The following SNTG1 variants were observed in gnomAD, a reference collection of about 807,000 sequenced individuals.
SNTG1 encodes the protein syntrophin gamma 1, also known as gamma-1-syntrophin.
SNTG1 carries 39 observed loss-of-function variants against 74.7 expected under a neutral mutation model. The observed-to-expected ratio is 0.52, with a 90% confidence interval of 0.40 to 0.68. SNTG1 has a LOEUF of 0.68. Among genes scored for constraint, SNTG1 ranks in the 30% least tolerant of loss-of-function variants. The probability of loss-of-function intolerance (pLI) is 0.00; values close to 1 mark genes in which losing one functional copy is unlikely to be tolerated. For synonymous variants in SNTG1, 254 were observed against 217.1 expected, an observed-to-expected ratio of 1.17 and a Z score of -1.49; for missense variants, 685 against 609.5, an observed-to-expected ratio of 1.12 and a Z score of -1.30.
intron 3 of SNTG1, among the ~76,000 whole-genome samples, chr8:50,396,135 T>G (rs2092726048): frequency 6.6e-6 from 1 of 152,240 alleles, no homozygotes; most frequent in East Asian, 1.9e-4. Flanking sequence ...TTGGTAATAC[T>G]GTTATTACCA....
At chr8:50,221,926 C>T (rs921444404) in intron 2 of SNTG1, among the ~76,000 whole-genome samples, 1 of 152,054 alleles carries the variant, frequency 6.6e-6, no homozygotes, top group African/African-American at 2.4e-5. Flanking sequence ...ATCAGCCTTC[C>T]CAGAAATTCA....
At chr8:50,711,481 A>G (rs1394777067) in intron 17 of SNTG1, among the ~76,000 whole-genome samples, 1 of 152,190 alleles carries the variant, frequency 6.6e-6, no homozygotes, top group African/African-American at 2.4e-5. Flanking sequence ...ATTCTGGGTC[A>G]TTATTTGAGC....
At chr8:50,760,655 G>A (rs1421200232) in intron 18 of SNTG1, among the ~76,000 whole-genome samples, 1 of 151,602 alleles carries the variant, frequency 6.6e-6, no homozygotes, top group African/African-American at 2.4e-5. Context: ...AAAGAGAGAA[G>A]AATCAAATAG....
rs183617586 is a variant in SNTG1 at position 50,546,973 on chromosome 8, G to A, written c.681-6077G>A. On this transcript the variant is annotated intron_variant, in intron 11 of 18. Coordinates refer to ENST00000642720, the MANE Select transcript of SNTG1 (RefSeq NM_018967.5). ...ATTTTTGTGTTTTTTAGTAGAGATG[G>A]GGTTTTGCCATGTTGGCCAGGCTGG... Among the ~76,000 whole-genome samples the A allele has an allele frequency of 3.7e-3, 566 of 152,170 alleles. 6 individuals are homozygous for A. The highest frequency in any genetic ancestry group is 0.012 in the African/African-American group (510 of 41,536).
At chr8:50,619,395 A>G (rs2094905839) in intron 13 of SNTG1, among the ~76,000 whole-genome samples, 1 of 152,078 alleles carries the variant, frequency 6.6e-6, no homozygotes, top group African/African-American at 2.4e-5. Context: ...ATTTTTAAAT[A>G]TTTTCCCAAA....
At chr8:50,658,164 A>G (rs949547337) in intron 14 of SNTG1, among the ~76,000 whole-genome samples, 1 of 152,142 alleles carries the variant, frequency 6.6e-6, no homozygotes, top group Non-Finnish European at 1.5e-5. Context: ...TTGCAATGTC[A>G]CAGTCATCTT....
At chr8:50,237,652 G>A (rs1191102150) in intron 2 of SNTG1, among the ~76,000 whole-genome samples, 1 of 152,048 alleles carries the variant, frequency 6.6e-6, no homozygotes, top group South Asian at 2.1e-4. Context: ...TTTTATTTTA[G>A]TATCCATTTA....
intron 1 of SNTG1, among the ~76,000 whole-genome samples, chr8:50,113,703 T>A (rs572668597): frequency 3.3e-5 from 5 of 152,298 alleles, no homozygotes; most frequent in African/African-American, 9.6e-5. Flanking sequence ...CCATTCAGTA[T>A]GCAATTGGCT....
At chr8:50,690,812 T>C (rs1001341125) in intron 15 of SNTG1, among the ~76,000 whole-genome samples, 7 of 152,178 alleles carry the variant, frequency 4.6e-5, no homozygotes, top group Non-Finnish European at 8.8e-5. Flanking sequence ...TTGTTAACTT[T>C]CTGTCTCGTT....
chr8:49,955,671 T>C lies in SNTG1; in HGVS notation c.-103+43440T>C, dbSNP rs75941854. On this transcript the variant is annotated intron_variant, in intron 1 of 18. Transcript: ENST00000642720. ...ACCAGAAAGGGAGGAGTTCCCAATA[T>C]TCGCATTGGCAGTACTCTCCTCAGT... 2.6e-3 allele frequency among the ~76,000 whole-genome samples: 395 copies of C among 152,348 alleles called. 3 individuals are homozygous for C. The highest frequency in any genetic ancestry group is 9.2e-3 in the African/African-American group (381 of 41,564).
intron 12 of SNTG1, among the ~76,000 whole-genome samples, chr8:50,582,156 G>T (rs1239529182): frequency 6.6e-6 from 1 of 152,120 alleles, no homozygotes; most frequent in African/African-American, 2.4e-5. Flanking sequence ...GATTTTGTTT[G>T]TTTGATTGCT....
intron 1 of SNTG1, among the ~76,000 whole-genome samples, chr8:49,938,597 C>CTTTTTTTTT (rs755805948): frequency 8.6e-4 from 28 of 32,504 alleles, no homozygotes; most frequent in African/African-American, 2.9e-3. Flanking sequence ...CTTTTCTTTT[C>CTTTTTTTTT]TTTTCTTTTC....
intron 3 of SNTG1, among the ~76,000 whole-genome samples, chr8:50,394,500 T>A (rs549119583): frequency 6.6e-6 from 1 of 152,332 alleles, no homozygotes; most frequent in African/African-American, 2.4e-5. Context: ...TTGAATATAA[T>A]TGAGTTGCTC....
chr8:50,515,011 T>G (rs1423229121), intron 9 of SNTG1, among the ~76,000 whole-genome samples: 1 of 152,224 alleles, frequency 6.6e-6, no homozygotes, highest in Non-Finnish European at 1.5e-5. Context: ...TTAAAGTCTA[T>G]TTTTGTCTGG....
chr8:50,315,044 T>A (rs1182738755), intron 2 of SNTG1, among the ~76,000 whole-genome samples: 1 of 149,890 alleles, frequency 6.7e-6, no homozygotes, highest in Non-Finnish European at 1.5e-5. Context: ...CATCAAAAAA[T>A]TAATTACTAA....
intron 13 of SNTG1, among the ~76,000 whole-genome samples, chr8:50,608,015 C>T (rs1427001067): frequency 6.6e-6 from 1 of 151,480 alleles, no homozygotes; most frequent in East Asian, 1.9e-4. Flanking sequence ...TGGAGCTCCC[C>T]TATTTTATTT....
intron 15 of SNTG1, among the ~76,000 whole-genome samples, chr8:50,659,005 T>C (rs2095201862): frequency 1.3e-5 from 2 of 152,138 alleles, no homozygotes; most frequent in South Asian, 2.1e-4. Context: ...CCATGTTTTT[T>C]TTTTTAATTC....
intron 8 of SNTG1, among the ~76,000 whole-genome samples, chr8:50,473,909 G>C (rs1587739889): frequency 6.6e-6 from 1 of 152,054 alleles, no homozygotes; most frequent in Non-Finnish European, 1.5e-5. Flanking sequence ...TCCAGAGCCT[G>C]GGGGAAGAAG....
At chr8:50,276,373 T>TTATATATATATATATATATATATA (rs6150576) in intron 2 of SNTG1, among the ~76,000 whole-genome samples, 2 of 143,458 alleles carry the variant, frequency 1.4e-5, no homozygotes, top group African/African-American at 5.4e-5. Context: ...CAAGTAAATT[T>TTATATATATATATATATATATATA]TATATATATA....
Sources: gnomAD v4.1 joint callset for allele counts (sites outside exome capture counted in the v4.1 genomes callset) on GRCh38, gnomAD v4.1.1 for gene constraint, MANE v1.5 for transcripts, NCBI Gene and HGNC (gene_info 2026-07-23, HGNC 2026-07-21) for gene names.